The following COL11A2 variants were observed in gnomAD, a reference collection of about 807,000 sequenced individuals.
The protein encoded by COL11A2 is collagen type XI alpha 2 chain, also known as collagen alpha-2(XI) chain.
In COL11A2, 116 loss-of-function variants were observed where a neutral mutation model predicts 273.4. The observed-to-expected ratio is 0.42, with a 90% CI of 0.36 to 0.49. COL11A2 has a LOEUF of 0.49. Ranked by LOEUF, COL11A2 falls within the 20% of genes least tolerant of loss-of-function variation. The pLI is 0.00. For missense variants in COL11A2, 1,866 were observed against 2,309.0 expected (o/e 0.81, Z 3.93); for synonymous variants, 782 against 864.2 (o/e 0.90, Z 1.67).
Position 33,165,539 on chromosome 6 carries a change from T to C in COL11A2, c.4750+10A>G. On this transcript the variant is annotated intron_variant, in intron 63 of 65. Transcript: ENST00000341947. This position sits in a 1 kb window ranked among gnomAD's most constrained non-coding sequence, Gnocchi z 7.7. ...GGGAGATGTTTGTGCACCCTGAGGC[T>C]AGCACTGACCATCGGGAAGCTCTGG... 6.2e-7 allele frequency: 1 copy of C among 1,611,956 alleles called. No individual in the cohort carries two copies. The highest frequency in any genetic ancestry group is 8.5e-7 in the Non-Finnish European group (1 of 1,180,004).
chr6:33,179,944 C>G lies in COL11A2; in HGVS notation c.1360-139G>C. On this transcript the variant is annotated intron_variant, in intron 12 of 65. Coordinates refer to ENST00000341947, the MANE Select transcript of COL11A2 (RefSeq NM_080680.3). The surrounding 1 kb of genome is among the most constrained non-coding windows in gnomAD (Gnocchi z 6.4). Reference sequence around the variant, plus strand: ...ATTTCCCATGGCTTCCAGATAATCACTTAGAGGATTCCAGAAACTCAACTC... The same window carrying G: ...ATTTCCCATGGCTTCCAGATAATCAGTTAGAGGATTCCAGAAACTCAACTC... 1.2e-6 allele frequency: 1 copy of G among 826,316 alleles called. No individual in the cohort carries two copies. The highest frequency in any genetic ancestry group is 1.4e-5 in the South Asian group (1 of 70,860). 51.2% of individuals were successfully genotyped at this position (826,316 alleles called of 1,614,324 possible). A position where few individuals can be genotyped will look rare whatever the true frequency, so the allele number is the denominator to read the frequency against.
chr6:33,169,082 C>T lies in COL11A2; in HGVS notation c.3799-74G>A, dbSNP rs980633146. 1.3e-4 allele frequency: 190 copies of T among 1,432,728 alleles called. No homozygotes were observed. Among genetic ancestry groups the T allele is most frequent in the Non-Finnish European group, 1.6e-4 (164 of 1,053,200 alleles). The allele number at this position is 1,432,728 out of a possible 1,614,324, so 88.8% of individuals were successfully genotyped here. A position where few individuals can be genotyped will look rare whatever the true frequency, so the allele number is the denominator to read the frequency against. ...CCCAGCACAGACGCCCACAGGCACA[C>T]GCCACTGCCTCTCTAGAGGCAGTGC... On this transcript the variant is annotated intron_variant, in intron 51 of 65. Transcript: ENST00000341947. The surrounding 1 kb of genome is among the most constrained non-coding windows in gnomAD (Gnocchi z 5.5).
At position 33,164,941 on chromosome 6, in the gene COL11A2, G is replaced by C. The variant is rs1329672936; in HGVS notation, c.4774C>G (p.Gln1592Glu). Residue 1592 changes from glutamine to glutamate, a missense_variant, in exon 64 of 66, where the codon CAG (glutamine) becomes GAG (glutamate). By Grantham distance (29) the Gln-to-Glu change is conservative. Transcript: ENST00000341947. This position sits in a 1 kb window ranked among gnomAD's most constrained non-coding sequence, Gnocchi z 4.7. ...PDGEYWVDPNQGCARDAFRVF... is the reference protein window; with the variant it reads ...PDGEYWVDPNEGCARDAFRVF... ...CGGAAGGCATCCCGAGCACAGCCCT[G>C]GTTGGGGTCGACCCAGTACTCTCCT... is the stretch of plus-strand genomic sequence containing the variant. 6.3e-7 allele frequency: 1 copy of C among 1,577,640 alleles called. No individual in the cohort carries two copies.
Position 33,170,522 on chromosome 6 carries a change from G to GT in COL11A2, c.3528+34dup. Reference sequence around the variant, plus strand: ...GGCTGGCCAGGGAGGGGGGTGACTAGTATGGTGGCTAGGGTCAGTAGGGGT... The same window carrying GT: ...GGCTGGCCAGGGAGGGGGGTGACTAGTTATGGTGGCTAGGGTCAGTAGGGGT... On this transcript the variant is annotated intron_variant, in intron 47 of 65. Transcript: ENST00000341947. This position sits in a 1 kb window ranked among gnomAD's most constrained non-coding sequence, Gnocchi z 4.3. 1 of 1,610,850 alleles carries GT rather than the reference G, an allele frequency of 6.2e-7. No homozygotes were observed. The highest frequency in any genetic ancestry group is 8.5e-7 in the Non-Finnish European group (1 of 1,178,794).
At position 33,186,558 on chromosome 6, in the gene COL11A2, AGGAGAGATGCCT is replaced by A. The variant is rs1772444754; in HGVS notation, c.798+57_798+68del. ...ATGAGGGTGGGGAGGACAACTAAGGAGGAGAGATGCCTGGGTGTCTTCCCTCTCTGGGGTGTG... is the reference window on the plus strand; with the variant it reads ...ATGAGGGTGGGGAGGACAACTAAGGAGGGTGTCTTCCCTCTCTGGGGTGTG... On this transcript the variant is annotated intron_variant, in intron 5 of 65. Transcript: ENST00000341947. The A allele has an allele frequency of 6.2e-7, 1 of 1,612,922 alleles. No individual in the cohort carries two copies. The highest frequency in any genetic ancestry group is 1.7e-5 in the Admixed American group (1 of 59,962).
In COL11A2 at chr6:33,169,530, T is replaced by C. The variant is rs1217794629; in HGVS notation, c.3691-40A>G. 1 of 1,592,880 alleles carries C rather than the reference T, an allele frequency of 6.3e-7. No individual in the cohort carries two copies. Among genetic ancestry groups the C allele is most frequent in the African/African-American group, 1.3e-5 (1 of 74,522 alleles). ...GAGGACACAGATGGCCCAGGGAATCTTGAAGATCAGGGATGCAGCCTCTGC... is the reference window on the plus strand; with the variant it reads ...GAGGACACAGATGGCCCAGGGAATCCTGAAGATCAGGGATGCAGCCTCTGC... On this transcript the variant is annotated intron_variant, in intron 50 of 65. Transcript: ENST00000341947. This position sits in a 1 kb window ranked among gnomAD's most constrained non-coding sequence, Gnocchi z 5.5.
At chr6:33,184,063 G>T in intron 8 of COL11A2, 82 bp downstream of exon 8, 1 of 1,236,290 alleles carries the variant, frequency 8.1e-7, no homozygotes, top group Non-Finnish European at 1.1e-6. Flanking sequence ...ACAGCCAACA[G>T]CCAAGGATCG....
rs144495273 is a variant in COL11A2, at chr6:33,167,975, G to A, written c.3961-123C>T. 2.2e-3 allele frequency: 2,214 copies of A among 1,004,674 alleles called. 7 individuals are homozygous for A. Among genetic ancestry groups the A allele is most frequent in the Middle Eastern group, 0.011 (56 of 4,950 alleles). The allele number at this position is 1,004,674 out of a possible 1,614,324, so 62.2% of individuals were successfully genotyped here. A position where few individuals can be genotyped will look rare whatever the true frequency, so the allele number is the denominator to read the frequency against. On this transcript the variant is annotated intron_variant, in intron 54 of 65. Transcript: ENST00000341947. This position sits in a 1 kb window ranked among gnomAD's most constrained non-coding sequence, Gnocchi z 6.1. ...CACACACGTGCATACACAGGGACAC[G>A]CGCCGAGGGCCGATTCACAGATGTG...
intron 8 of COL11A2, among the ~76,000 whole-genome samples, chr6:33,183,371 G>T (rs1013590775): frequency 6.6e-6 from 1 of 152,180 alleles, no homozygotes; most frequent in Non-Finnish European, 1.5e-5. Flanking sequence ...GACCCAGAGA[G>T]AAAAGAAAGG....
Position 33,178,386 on chromosome 6 carries a change from C to A in COL11A2, c.1774-34G>T. The A allele has an allele frequency of 6.2e-7, 1 of 1,612,956 alleles. No homozygotes were observed. The highest frequency in any genetic ancestry group is 8.5e-7 in the Non-Finnish European group (1 of 1,179,972). On this transcript the variant is annotated intron_variant, in intron 19 of 65. Coordinates refer to ENST00000341947, the MANE Select transcript of COL11A2 (RefSeq NM_080680.3). This position sits in a 1 kb window ranked among gnomAD's most constrained non-coding sequence, Gnocchi z 4.6. Reference sequence around the variant, plus strand: ...GGAGGACACGGTAAAGCTGCTGTGCCTTCTAGACCTCCCCTGCACCCAGCC... The same window carrying A: ...GGAGGACACGGTAAAGCTGCTGTGCATTCTAGACCTCCCCTGCACCCAGCC...
rs748687966 is a variant in COL11A2 at position 33,181,158 on chromosome 6, G to T, written c.1132C>A (p.Pro378Thr). ...CCTTTCTCTCCCTTCAGCCCTCGGG[G>T]TCCATGGGCAGCCTGAAGGAGACAC... ...TAHSGAAAHGPRGLKGEKGEP... is the reference protein window; with the variant it reads ...TAHSGAAAHGTRGLKGEKGEP... The change falls in exon 9 of 66, where the codon CCC becomes ACC. Residue 378 changes from proline (P) to threonine (T), a missense_variant. Transcript: ENST00000341947. The T allele has an allele frequency of 4.3e-6, 7 of 1,614,114 alleles. No homozygotes were observed. Among genetic ancestry groups the T allele is most frequent in the Middle Eastern group, 3.3e-4 (2 of 6,062 alleles).
At chr6:33,184,110 T>C in intron 8 of COL11A2, 35 bp downstream of exon 8, 1 of 1,363,696 alleles carries the variant, frequency 7.3e-7, no homozygotes, top group Non-Finnish European at 9.8e-7. Context: ...CTCCCACTGG[T>C]AGTCAAGAAT....
In COL11A2 at chr6:33,176,856, AC is replaced by A; in HGVS notation, c.2071-92del. ...CTTCTTCCAACCCAAATTTCCTGTG[AC>A]CTAGTGAAGCCAACTGTCCATGGAC... On this transcript the variant is annotated intron_variant, in intron 25 of 65. Coordinates refer to ENST00000341947, the MANE Select transcript of COL11A2 (RefSeq NM_080680.3). The surrounding 1 kb of genome is among the most constrained non-coding windows in gnomAD (Gnocchi z 4.9). 1.0e-5 allele frequency: 16 copies of A among 1,545,042 alleles called. No individual in the cohort carries two copies. Among genetic ancestry groups the A allele is most frequent in the Non-Finnish European group, 1.3e-5 (15 of 1,133,414 alleles).
In COL11A2 at chr6:33,178,809, G is replaced by A. The variant is rs1308254536; in HGVS notation, c.1666-77C>T. 2 of 1,603,308 alleles carry A rather than the reference G, an allele frequency of 1.2e-6. No individual in the cohort carries two copies. The highest frequency in any genetic ancestry group is 1.7e-6 in the Non-Finnish European group (2 of 1,171,450). The stretch of plus-strand genomic sequence containing the variant: ...CCCCTCCCTACTGCACCCTGAGCTG[G>A]GGGGGTGCTGATCCTGGGGAAGCCT... On this transcript the variant is annotated intron_variant, in intron 17 of 65. Coordinates refer to ENST00000341947, the MANE Select transcript of COL11A2 (RefSeq NM_080680.3). The surrounding 1 kb of genome is among the most constrained non-coding windows in gnomAD (Gnocchi z 4.6).
chr6:33,192,606 C>T, upstream of COL11A2: 1 of 398,744 alleles, frequency 2.5e-6, no homozygotes, highest in Non-Finnish European at 4.6e-6. Flanking sequence ...CGGGAACCCT[C>T]CCTCTATCGC....
intron 6 of COL11A2, 33 bp from the exon 7 acceptor site, chr6:33,185,087 C>T (rs1285672313): frequency 3.3e-6 from 5 of 1,502,502 alleles, no homozygotes; most frequent in Non-Finnish European, 4.5e-6. Flanking sequence ...AAGAGTAGCA[C>T]GGGGTGGGAA....
chr6:33,183,690 A>G (rs1315505084), intron 8 of COL11A2, among the ~76,000 whole-genome samples: 1 of 152,254 alleles, frequency 6.6e-6, no homozygotes, highest in Admixed American at 6.5e-5. Flanking sequence ...GGGACAGATA[A>G]TAAGTGGCCT....
chr6:33,193,233 C>T (rs915160088), upstream of COL11A2, among the ~76,000 whole-genome samples: 2 of 151,956 alleles, frequency 1.3e-5, no homozygotes, highest in South Asian at 4.1e-4. Flanking sequence ...GCGCCCAGTG[C>T]GCCCCCACGA....
rs766082539 is a variant in COL11A2 at position 33,178,179 on chromosome 6, G to A, written c.1825C>T (p.Arg609Ter). Residue 609 changes from arginine (R) to a stop codon, truncating the protein, a stop_gained, in exon 21 of 66, where the codon CGA (arginine) becomes TGA (stop). Coordinates refer to ENST00000341947, the MANE Select transcript of COL11A2 (RefSeq NM_080680.3). LOFTEE classifies it high-confidence loss of function. The surrounding 1 kb of genome is among the most constrained non-coding windows in gnomAD (Gnocchi z 4.6). Reference sequence around the variant, plus strand: ...GGGCCTTTGGGGCCAAGGAGACCTCGAGGTCCCTGCATTCACGGTGAGGGG... The same window carrying A: ...GGGCCTTTGGGGCCAAGGAGACCTCAAGGTCCCTGCATTCACGGTGAGGGG... ...PRGLPGESGP[R>*]GLLGPKGPPG... 5 of 1,611,774 alleles carry A rather than the reference G, an allele frequency of 3.1e-6. No homozygotes were observed. The highest frequency in any genetic ancestry group is 4.2e-6 in the Non-Finnish European group (5 of 1,179,134).
Sources: allele counts gnomAD v4.1 joint callset (sites outside exome capture counted in the v4.1 genomes callset), GRCh38; gene constraint gnomAD v4.1.1; non-coding constraint Gnocchi (gnomAD v3.1); transcripts MANE v1.5; gene names NCBI Gene and HGNC (gene_info 2026-07-23, HGNC 2026-07-21).